FBLIM1: variants seen among roughly 807,000 people sequenced by gnomAD.
The protein encoded by FBLIM1 is filamin-binding LIM protein 1.
A neutral mutation model predicts 37.4 loss-of-function variants in FBLIM1; 29 were observed. That is an observed-to-expected ratio of 0.77 (90% CI 0.58 to 1.06). The LOEUF (loss-of-function observed/expected upper bound fraction) is 1.06. Among genes scored for constraint, FBLIM1 ranks in the 50% least tolerant of loss-of-function variants. The pLI is 0.00. For missense variants in FBLIM1, 449 were observed against 505.6 expected, an observed-to-expected ratio of 0.89 and a Z score of 1.07; for synonymous variants, 193 against 199.0, an observed-to-expected ratio of 0.97 and a Z score of 0.25.
At chr1:15,772,397 G>A (rs1401971218) in intron 6 of FBLIM1, among the ~76,000 whole-genome samples, 1 of 152,154 alleles carries the variant, frequency 6.6e-6, no homozygotes, top group African/African-American at 2.4e-5. Context: ...CCAGCTGGAA[G>A]CAGGAAGCAG....
intron 8 of FBLIM1, among the ~76,000 whole-genome samples, chr1:15,777,898 G>T (rs1363005786): frequency 6.6e-6 from 1 of 152,018 alleles, no homozygotes; most frequent in African/African-American, 2.4e-5. Context: ...GCTCTCCCTT[G>T]TTTGTGTGTT....
At chr1:15,767,929 G>C (rs930000526) in intron 4 of FBLIM1, among the ~76,000 whole-genome samples, 1 of 152,124 alleles carries the variant, frequency 6.6e-6, no homozygotes, top group African/African-American at 2.4e-5. Context: ...TGTCACCCAG[G>C]CTGGAGTGCA....
intron 6 of FBLIM1, 104 bp from the exon 7 acceptor site, chr1:15,774,514 T>G: frequency 6.9e-7 from 1 of 1,459,794 alleles, no homozygotes; most frequent in East Asian, 2.3e-5. Flanking sequence ...TCTCCTGTAC[T>G]TCCCAGTTCC....
At chr1:15,768,079 C>T (rs1381103395) in intron 4 of FBLIM1, among the ~76,000 whole-genome samples, 1 of 152,126 alleles carries the variant, frequency 6.6e-6, no homozygotes, top group Non-Finnish European at 1.5e-5. Flanking sequence ...GACAGGGTTT[C>T]ACCATGTTGG....
Position 15,786,587 on chromosome 1 carries a change from C to T in FBLIM1, c.*1926C>T, listed in dbSNP as rs982222142. 1 of 152,388 alleles carries T rather than the reference C, an allele frequency of 6.6e-6. No homozygotes were observed. The highest frequency in any genetic ancestry group is 1.9e-4 in the East Asian group (1 of 5,190). The allele number at this position is 152,388 out of a possible 1,614,324, so 9.4% of individuals were successfully genotyped here. A position where few individuals can be genotyped will look rare whatever the true frequency, so the allele number is the denominator to read the frequency against. On this transcript the variant is annotated 3_prime_UTR_variant, in exon 9 of 9. Coordinates refer to ENST00000375766, the MANE Select transcript of FBLIM1 (RefSeq NM_017556.4). ...AAAATAAATGCATAAGTGTTAGAAGCTCTTCCATGTTGTGTGTAGGCTCTC... is the reference window on the plus strand; with the variant it reads ...AAAATAAATGCATAAGTGTTAGAAGTTCTTCCATGTTGTGTGTAGGCTCTC...
At chr1:15,781,587 T>C (rs2069640342) in intron 8 of FBLIM1, among the ~76,000 whole-genome samples, 1 of 151,426 alleles carries the variant, frequency 6.6e-6, no homozygotes, top group Non-Finnish European at 1.5e-5. Context: ...TGAGTGCTGT[T>C]AACTAAGAAG....
In FBLIM1 at chr1:15,768,593, TC is replaced by T; in HGVS notation, c.509del (p.Pro170ArgfsTer31). 6.2e-7 allele frequency: 1 copy of T among 1,611,350 alleles called. No homozygotes were observed. The highest frequency in any genetic ancestry group is 1.7e-5 in the Admixed American group (1 of 59,358). On this transcript the variant is annotated frameshift_variant, in exon 5 of 9. Coordinates refer to ENST00000375766, the MANE Select transcript of FBLIM1 (RefSeq NM_017556.4). LOFTEE classifies it high-confidence loss of function. The stretch of plus-strand genomic sequence containing the variant: ...GGCCCATGGAGGAAGAGCTGCCACC[TC>T]CCCCGGCAGAACCTGTTGAGAAAGG... ...LRPMEEELPP[P>X]PAEPVEKGAS...
chr1:15,763,698 G>A (rs2068787865), intron 1 of FBLIM1, among the ~76,000 whole-genome samples: 1 of 151,994 alleles, frequency 6.6e-6, no homozygotes, highest in Non-Finnish European at 1.5e-5. Context: ...GGAGGGCAGT[G>A]GTGCAATCTT....
chr1:15,780,461 A>C (rs983928158), intron 8 of FBLIM1, among the ~76,000 whole-genome samples: 1 of 152,160 alleles, frequency 6.6e-6, no homozygotes, highest in Non-Finnish European at 1.5e-5. Flanking sequence ...TGGCCTCCCA[A>C]AGTGCTGGGT....
At chr1:15,758,689 C>T (rs537966468), upstream of FBLIM1, 2 of 151,690 alleles carry the variant, frequency 1.3e-5, no homozygotes, top group East Asian at 2.0e-4. The surrounding 1 kb of genome is among the most constrained non-coding windows in gnomAD (Gnocchi z 6.2). Flanking sequence ...CCCCCTCCCC[C>T]CGAGCCTCAC....
At chr1:15,776,817 G>A (rs1182461131) in intron 7 of FBLIM1, among the ~76,000 whole-genome samples, 1 of 139,716 alleles carries the variant, frequency 7.2e-6, no homozygotes, top group East Asian at 2.1e-4. Context: ...AGCTGAGATT[G>A]CATCATTGCA....
At position 15,784,828 on chromosome 1, in the gene FBLIM1, A is replaced by G. The variant is rs563027487; in HGVS notation, c.*167A>G. On this transcript the variant is annotated 3_prime_UTR_variant, in exon 9 of 9. Coordinates refer to ENST00000375766, the MANE Select transcript of FBLIM1 (RefSeq NM_017556.4). The stretch of plus-strand genomic sequence containing the variant: ...GGATACAGTGGGGCTGAGCACCCCC[A>G]GGCCTTCCACTCCTCTACCCTCTGG... 12 of 539,896 alleles carry G rather than the reference A, an allele frequency of 2.2e-5. No individual in the cohort carries two copies. The highest frequency in any genetic ancestry group is 4.0e-5 in the Non-Finnish European group (12 of 300,936). The allele number at this position is 539,896 out of a possible 1,614,324, so 33.4% of individuals were successfully genotyped here.
intron 1 of FBLIM1, among the ~76,000 whole-genome samples, chr1:15,763,418 G>A (rs1190258151): frequency 6.6e-6 from 1 of 151,376 alleles, no homozygotes; most frequent in Non-Finnish European, 1.5e-5. Flanking sequence ...GGATCACGAG[G>A]TCAGGAGATC....
chr1:15,762,539 G>T (rs907616907), intron 1 of FBLIM1, among the ~76,000 whole-genome samples: 1 of 152,116 alleles, frequency 6.6e-6, no homozygotes, highest in African/African-American at 2.4e-5. Flanking sequence ...AAGATTACAG[G>T]CATAAGCCTC....
chr1:15,774,520 G>T, intron 6 of FBLIM1, 98 bp from the exon 7 acceptor site: 1 of 1,491,896 alleles, frequency 6.7e-7, no homozygotes, highest in Non-Finnish European at 9.0e-7. Flanking sequence ...GTACTTCCCA[G>T]TTCCTGGGCC....
At chr1:15,763,875 G>A (rs1044290713) in intron 1 of FBLIM1, among the ~76,000 whole-genome samples, 3 of 152,080 alleles carry the variant, frequency 2.0e-5, no homozygotes, top group Non-Finnish European at 4.4e-5. Flanking sequence ...CTGGCCTCAA[G>A]TGATCCACCT....
At position 15,765,718 on chromosome 1, in the gene FBLIM1, G is replaced by A. The variant is rs577801618; in HGVS notation, c.250+485G>A. On this transcript the variant is annotated intron_variant, in intron 3 of 8. Coordinates refer to ENST00000375766, the MANE Select transcript of FBLIM1 (RefSeq NM_017556.4). The surrounding 1 kb of genome is among the most constrained non-coding windows in gnomAD (Gnocchi z 5.9). ...CCAGCTGCTTGAAGCCGTCTACACC[G>A]AAGGCTGCCATCTGCCATCTGCTTA... Among the ~76,000 whole-genome samples the A allele has an allele frequency of 3.3e-5, 5 of 152,120 alleles. No individual in the cohort carries two copies. Among genetic ancestry groups the A allele is most frequent in the Non-Finnish European group, 7.4e-5 (5 of 68,018 alleles).
At chr1:15,768,724 C>T (rs1482582497) in intron 5 of FBLIM1, 94 bp downstream of exon 5, 3 of 795,118 alleles carry the variant, frequency 3.8e-6, no homozygotes, top group East Asian at 6.3e-5. Flanking sequence ...CCCCTCTTCC[C>T]ATCCCCACCC....
chr1:15,762,485 A>T (rs1422351482), intron 1 of FBLIM1, among the ~76,000 whole-genome samples: 2 of 150,860 alleles, frequency 1.3e-5, no homozygotes, highest in African/African-American at 2.4e-5. Flanking sequence ...CTGGTCTTGA[A>T]CTCCTTACCT....
Sources: gnomAD v4.1 joint callset for allele counts (sites outside exome capture counted in the v4.1 genomes callset) on GRCh38, gnomAD v4.1.1 for gene constraint, Gnocchi (gnomAD v3.1) non-coding constraint, MANE v1.5 for transcripts, NCBI Gene and HGNC (gene_info 2026-07-23, HGNC 2026-07-21) for gene names.